AEN: variants seen among roughly 807,000 people sequenced by gnomAD.
AEN encodes the protein apoptosis-enhancing nuclease.
In AEN, 21 loss-of-function variants were observed where a neutral mutation model predicts 17.7. The observed-to-expected ratio is 1.19, with a 90% CI of 0.84 to 1.71. AEN has a LOEUF of 1.71. Among genes scored for constraint, AEN ranks in the 40% most tolerant of loss-of-function variants. AEN has a pLI of 0.00. For synonymous variants in AEN, 190 were observed against 173.0 expected, an observed-to-expected ratio of 1.10 and a Z score of -0.77; for missense variants, 462 against 435.9, an observed-to-expected ratio of 1.06 and a Z score of -0.53.
upstream of AEN, among the ~76,000 whole-genome samples, chr15:88,619,819 G>A (rs1043455032): frequency 2.0e-5 from 3 of 152,056 alleles, no homozygotes; most frequent in East Asian, 1.9e-4. Context: ...CTCCTAAGTA[G>A]CATTTGAATC....
At position 88,626,445 on chromosome 15, in the gene AEN, G is replaced by A. The variant is rs760910992; in HGVS notation, c.236G>A (p.Ser79Asn). The change falls in exon 2 of 4, where the codon AGT becomes AAT. Residue 79 changes from serine (S) to asparagine (N), a missense_variant. Transcript: ENST00000332810. Reference protein sequence around the residue: ...GAATATEAASSGKQCLRAGSG... With the variant: ...GAATATEAASNGKQCLRAGSG... Reference sequence around the variant, plus strand: ...GCGACAGCAACTGAAGCTGCCAGCAGTGGGAAGCAGTGTCTGAGGGCTGGA... The same window carrying A: ...GCGACAGCAACTGAAGCTGCCAGCAATGGGAAGCAGTGTCTGAGGGCTGGA... The A allele has an allele frequency of 1.2e-6, 2 of 1,613,660 alleles. No individual in the cohort carries two copies. The highest frequency in any genetic ancestry group is 1.3e-5 in the African/African-American group (1 of 74,944).
At chr15:88,625,090 C>G (rs1046087347) in intron 1 of AEN, among the ~76,000 whole-genome samples, 43 of 152,220 alleles carry the variant, frequency 2.8e-4, no homozygotes, top group Admixed American at 2.6e-3. Context: ...CACCTCTTAT[C>G]CTAGCATTCA....
Position 88,630,130 on chromosome 15 carries a change from C to T in AEN, c.814C>T (p.Gln272Ter), listed in dbSNP as rs747222321. Residue 272 changes from glutamine to a stop codon, truncating the protein, a stop_gained, in exon 4 of 4, where the codon CAG becomes TAG. Coordinates refer to ENST00000332810, the MANE Select transcript of AEN (RefSeq NM_022767.4). LOFTEE classifies it low-confidence loss of function (END_TRUNC). The surrounding 1 kb of genome is among the most constrained non-coding windows in gnomAD (Gnocchi z 5.1). ...GGAGCTCTACCGGCTGGTGGAGGTGCAGTGGGAACAGCAGGAGGCCCGCAG... is the reference window on the plus strand; with the variant it reads ...GGAGCTCTACCGGCTGGTGGAGGTGTAGTGGGAACAGCAGGAGGCCCGCAG... ...AMELYRLVEVQWEQQEARSLW... is the reference protein window; with the variant it reads ...AMELYRLVEV 1.2e-6 allele frequency: 2 copies of T among 1,613,706 alleles called. No individual in the cohort carries two copies. Among genetic ancestry groups the T allele is most frequent in the South Asian group, 1.1e-5 (1 of 91,080 alleles).
At chr15:88,621,100 G>A (rs907123410), upstream of AEN, among the ~76,000 whole-genome samples, 2 of 152,212 alleles carry the variant, frequency 1.3e-5, no homozygotes, top group Non-Finnish European at 2.9e-5. Flanking sequence ...GGACCGGGCA[G>A]GGACGACAGG....
the AEN span, among the ~76,000 whole-genome samples, chr15:88,615,093 T>C: frequency 2.6e-5 from 4 of 151,822 alleles, no homozygotes; most frequent in South Asian, 6.3e-4. Flanking sequence ...CTCGATCTGC[T>C]GACCTCGTGA....
intron 3 of AEN, 92 bp downstream of exon 3, chr15:88,629,518 G>C: frequency 1.4e-6 from 2 of 1,449,476 alleles, no homozygotes; most frequent in Non-Finnish European, 1.9e-6. Flanking sequence ...TGTGTCTCCA[G>C]CCTCCTTGTC....
the AEN span, among the ~76,000 whole-genome samples, chr15:88,614,924 G>T: frequency 1.3e-5 from 2 of 152,058 alleles, no homozygotes; most frequent in African/African-American, 4.8e-5. Flanking sequence ...GTCTCGCTCT[G>T]TCGCCCAGGC....
the AEN span, among the ~76,000 whole-genome samples, chr15:88,606,989 A>T: frequency 2.6e-5 from 4 of 151,862 alleles, no homozygotes; most frequent in Non-Finnish European, 4.4e-5. Context: ...CTTTTCCTGG[A>T]TGTACAGGAG....
chr15:88,625,707 T>C (rs117143729), intron 1 of AEN, among the ~76,000 whole-genome samples: 7,689 of 152,272 alleles, frequency 0.05, 254 homozygotes, highest in Middle Eastern at 0.085. Context: ...ACCATACCTC[T>C]GTCAAAGTCT....
chr15:88,623,538 A>G (rs976778087), intron 1 of AEN, among the ~76,000 whole-genome samples: 3 of 152,212 alleles, frequency 2.0e-5, no homozygotes, highest in Non-Finnish European at 4.4e-5. Flanking sequence ...GGTACAATCA[A>G]GGCTCTAACC....
At chr15:88,611,956 CA>C in the AEN span, 5 of 476,544 alleles carry the variant, frequency 1.0e-5, no homozygotes, top group Middle Eastern at 3.9e-4. Context: ...GAAATGGGGG[CA>C]GCCCCCCTTT....
chr15:88,624,813 G>A (rs574728708), intron 1 of AEN, among the ~76,000 whole-genome samples: 2 of 151,660 alleles, frequency 1.3e-5, no homozygotes, highest in Non-Finnish European at 2.9e-5. Context: ...AAGCCGGGAG[G>A]CGGAGGTTGC....
chr15:88,628,855 GAGGCC>G, intron 2 of AEN: 1 of 210,772 alleles, frequency 4.7e-6, no homozygotes. Context: ...GGTGGAGTGG[GAGGCC>G]TGGTGACGTC....
At chr15:88,622,144 C>T (rs117296200) in intron 1 of AEN, among the ~76,000 whole-genome samples, 1,593 of 152,240 alleles carry the variant, frequency 0.01, 14 homozygotes, top group Middle Eastern at 0.031. Flanking sequence ...CTTCTTGGTT[C>T]CTTTGGGGCC....
rs368634628 is a variant in AEN, at chr15:88,630,081, A to T, written c.765A>T (p.Ser255=). Residue 255 remains serine, a synonymous_variant, in exon 4 of 4, where the codon TCA becomes TCT. Transcript: ENST00000332810. The surrounding 1 kb of genome is among the most constrained non-coding windows in gnomAD (Gnocchi z 5.1). ...KIQVGQHGHS[S]VEDATTAMEL... is the part of the protein sequence containing the mutation. ...AGGTGGGCCAGCACGGGCACTCATCAGTAGAAGATGCCACGACAGCCATGG... is the reference window on the plus strand; with the variant it reads ...AGGTGGGCCAGCACGGGCACTCATCTGTAGAAGATGCCACGACAGCCATGG... The T allele has an allele frequency of 3.7e-6, 6 of 1,614,102 alleles. No homozygotes were observed. The South Asian group carries it at 6.6e-5, about 18-fold the overall frequency.
intron 1 of AEN, among the ~76,000 whole-genome samples, chr15:88,622,614 G>C (rs560393911): frequency 6.6e-6 from 1 of 150,936 alleles, no homozygotes; most frequent in African/African-American, 2.4e-5. Flanking sequence ...CCGGTAGTCA[G>C]AGTGAAACAG....
At chr15:88,629,972 G>A (rs1450964787) in intron 3 of AEN, 86 bp from the exon 4 acceptor site, 4 of 1,283,190 alleles carry the variant, frequency 3.1e-6, no homozygotes, top group Non-Finnish European at 4.5e-6. Flanking sequence ...CCTGCACAAA[G>A]AGCCCTGGGA....
chr15:88,625,750 A>G (rs1226354841), intron 1 of AEN, among the ~76,000 whole-genome samples: 1 of 152,206 alleles, frequency 6.6e-6, no homozygotes, highest in Non-Finnish European at 1.5e-5. Context: ...CAGCAGAAAA[A>G]AAGTCCACTG....
chr15:88,624,113 C>T (rs2057820939), intron 1 of AEN, among the ~76,000 whole-genome samples: 1 of 152,246 alleles, frequency 6.6e-6, no homozygotes, highest in South Asian at 2.1e-4. Flanking sequence ...CAGCCCTTAA[C>T]ACACTTTATG....
Sources: allele counts gnomAD v4.1 joint callset (sites outside exome capture counted in the v4.1 genomes callset), GRCh38; gene constraint gnomAD v4.1.1; non-coding constraint Gnocchi (gnomAD v3.1); transcripts MANE v1.5; gene names NCBI Gene and HGNC (gene_info 2026-07-23, HGNC 2026-07-21).